Variants in LARP1B observed in about 807,000 individuals in gnomAD.
The protein encoded by LARP1B is la-related protein 1B.
LARP1B carries 76 observed loss-of-function variants against 114.2 expected under a neutral mutation model. The observed-to-expected ratio is 0.67, with a 90% CI of 0.55 to 0.81. The LOEUF (loss-of-function observed/expected upper bound fraction) is 0.81. Among genes scored for constraint, LARP1B ranks in the 30% least tolerant of loss-of-function variants. The probability of loss-of-function intolerance (pLI) is 0.00; values close to 1 mark genes in which losing one functional copy is unlikely to be tolerated. For missense variants in LARP1B, 1,014 were observed against 1,075.8 expected, an observed-to-expected ratio of 0.94 and a Z score of 0.80; for synonymous variants, 345 against 348.0, an observed-to-expected ratio of 0.99 and a Z score of 0.10.
chr4:128,107,738 G>T, intron 9 of LARP1B: 1 of 1,474,194 alleles, frequency 6.8e-7, no homozygotes, highest in East Asian at 2.5e-5. Context: ...AAGATAAAAT[G>T]ACCTGCATTC....
chr4:128,151,107 G>T (rs1435058640), intron 11 of LARP1B, among the ~76,000 whole-genome samples: 1 of 152,118 alleles, frequency 6.6e-6, no homozygotes, highest in African/African-American at 2.4e-5. Context: ...CCAGTATATT[G>T]TTCACCTAGA....
rs1332747751 is a variant in LARP1B, at chr4:128,098,312, C to G, written c.795C>G (p.Asn265Lys). The G allele has an allele frequency of 6.2e-7, 1 of 1,612,460 alleles. No homozygotes were observed. Among genetic ancestry groups the G allele is most frequent in the Non-Finnish European group, 8.5e-7 (1 of 1,179,178 alleles). The change falls in exon 8 of 20, where the codon AAC becomes AAG. Residue 265 changes from asparagine to lysine, a missense_variant. Coordinates refer to ENST00000326639, the MANE Select transcript of LARP1B (RefSeq NM_018078.4). The part of the protein sequence containing the change: ...GFQRVQALTT[N>K]LNLILEALKD... ...AGCGTGTTCAGGCTCTCACTACAAACCTTAATCTCATCTTAGAGGTAATTG... is the reference window on the plus strand; with the variant it reads ...AGCGTGTTCAGGCTCTCACTACAAAGCTTAATCTCATCTTAGAGGTAATTG...
chr4:128,192,049 A>G (rs1392774232), intron 15 of LARP1B, among the ~76,000 whole-genome samples: 1 of 152,154 alleles, frequency 6.6e-6, no homozygotes, highest in African/African-American at 2.4e-5. Flanking sequence ...ATTGCTGATG[A>G]TAAGCTTTGT....
chr4:128,125,530 G>A (rs1442324597), intron 11 of LARP1B, among the ~76,000 whole-genome samples: 3 of 152,164 alleles, frequency 2.0e-5, no homozygotes, highest in African/African-American at 7.2e-5. Flanking sequence ...GGTGGATCAC[G>A]AGGTCAAGAG....
At chr4:128,118,336 A>G (rs1473095152) in intron 10 of LARP1B, among the ~76,000 whole-genome samples, 2 of 144,362 alleles carry the variant, frequency 1.4e-5, no homozygotes, top group East Asian at 2.0e-4. Flanking sequence ...GGTTCATGCC[A>G]TTCTCCTGCC....
chr4:128,141,148 C>T lies in LARP1B; in HGVS notation c.1524+18960C>T, dbSNP rs537418482. 2.6e-5 allele frequency among the ~76,000 whole-genome samples: 4 copies of T among 152,162 alleles called. No individual in the cohort carries two copies. In the South Asian group the frequency reaches 8.3e-4, roughly 32 times the overall value. On this transcript the variant is annotated intron_variant, in intron 11 of 19. Coordinates refer to ENST00000326639, the MANE Select transcript of LARP1B (RefSeq NM_018078.4). Reference sequence around the variant, plus strand: ...TGCTTTTTTGCGTCCAGCTATTTGTCTTCCTTTCCAGTGGTCTGCTTGAGT... The same window carrying T: ...TGCTTTTTTGCGTCCAGCTATTTGTTTTCCTTTCCAGTGGTCTGCTTGAGT...
At chr4:128,086,671 A>T (rs182639470) in intron 5 of LARP1B, among the ~76,000 whole-genome samples, 2 of 152,180 alleles carry the variant, frequency 1.3e-5, no homozygotes, top group East Asian at 3.9e-4. Context: ...ACTGGCAATA[A>T]GAAGGAGCTA....
At chr4:128,178,685 C>A (rs1242178497) in intron 14 of LARP1B, 43 bp downstream of exon 14, 1 of 1,373,078 alleles carries the variant, frequency 7.3e-7, no homozygotes, top group Admixed American at 1.8e-5. Flanking sequence ...ATTTTGTATC[C>A]TTTAACATTA....
intron 7 of LARP1B, among the ~76,000 whole-genome samples, chr4:128,095,172 A>T (rs1393536633): frequency 6.6e-6 from 1 of 151,908 alleles, no homozygotes; most frequent in Non-Finnish European, 1.5e-5. Context: ...AGTGTTTAAA[A>T]TTTTTTCCTT....
intron 12 of LARP1B, among the ~76,000 whole-genome samples, chr4:128,168,539 T>C (rs1308941796): frequency 6.6e-6 from 1 of 152,088 alleles, no homozygotes; most frequent in Non-Finnish European, 1.5e-5. Flanking sequence ...TATATTTTCA[T>C]TTTTTAGGTA....
chr4:128,185,678 C>G (rs1750095189), intron 15 of LARP1B, among the ~76,000 whole-genome samples: 1 of 152,016 alleles, frequency 6.6e-6, no homozygotes, highest in Non-Finnish European at 1.5e-5. Context: ...TGTGCAGAAA[C>G]TTTTTTGCTT....
intron 6 of LARP1B, 33 bp downstream of exon 6, chr4:128,091,177 T>G (rs1322025937): frequency 6.3e-7 from 1 of 1,597,604 alleles, no homozygotes; most frequent in Non-Finnish European, 8.5e-7. Flanking sequence ...TTAAATTAGA[T>G]AAACTTTGAA....
At chr4:128,172,000 A>G (rs1227307966) in intron 12 of LARP1B, among the ~76,000 whole-genome samples, 1 of 149,786 alleles carries the variant, frequency 6.7e-6, no homozygotes, top group Non-Finnish European at 1.5e-5. Flanking sequence ...CCTGGATGGG[A>G]TTCTCTGTTT....
chr4:128,136,784 G>A (rs1436149032), intron 11 of LARP1B, among the ~76,000 whole-genome samples: 2 of 152,028 alleles, frequency 1.3e-5, no homozygotes, highest in Non-Finnish European at 2.9e-5. Context: ...AAATATTTTT[G>A]TAGAGATGAG....
intron 11 of LARP1B, among the ~76,000 whole-genome samples, chr4:128,131,274 C>T (rs2061571): frequency 0.59 from 89,940 of 151,794 alleles, 27,756 homozygotes; most frequent in Middle Eastern, 0.8. Flanking sequence ...GTACTTTCTG[C>T]TTGGTTTTGC....
intron 1 of LARP1B, chr4:128,061,988 C>T (rs1323279876): frequency 1.0e-6 from 1 of 985,190 alleles, no homozygotes; most frequent in Non-Finnish European, 1.2e-6. Context: ...GCCCGGGGGC[C>T]CTTTCGGCGG....
intron 1 of LARP1B, chr4:128,062,002 GCCGCCA>G (rs961012575): frequency 2.9e-5 from 29 of 985,006 alleles, no homozygotes; most frequent in African/African-American, 7.0e-5. Context: ...TCGGCGGGGA[GCCGCCA>G]CCGCCACCGC....
At chr4:128,142,454 A>C (rs572483362) in intron 11 of LARP1B, among the ~76,000 whole-genome samples, 2 of 152,066 alleles carry the variant, frequency 1.3e-5, no homozygotes, top group South Asian at 4.2e-4. Context: ...CAGTCTGTGG[A>C]GTTCTTCCAG....
At chr4:128,222,499 A>G in exon 8 of LARP1B, 1 of 391,764 alleles carries the variant, frequency 2.6e-6, no homozygotes, top group East Asian at 7.8e-5. Flanking sequence ...TTTGACTTGC[A>G]TCTTACAAAC....
Sources: gnomAD v4.1 joint callset for allele counts (sites outside exome capture counted in the v4.1 genomes callset) on GRCh38, gnomAD v4.1.1 for gene constraint, MANE v1.5 for transcripts, NCBI Gene and HGNC (gene_info 2026-07-23, HGNC 2026-07-21) for gene names.